CDH2: variants seen among roughly 807,000 people sequenced by gnomAD.
CDH2 encodes the protein cadherin 2.
CDH2 carries 17 observed loss-of-function variants against 92.0 expected under a neutral mutation model. That is an observed-to-expected ratio of 0.18 (90% confidence interval 0.13 to 0.28). CDH2 has a LOEUF of 0.28. Among genes scored for constraint, CDH2 ranks in the 10% least tolerant of loss-of-function variants. The pLI is 1.00. For synonymous variants in CDH2, 419 were observed against 415.9 expected (o/e 1.01, Z -0.09); for missense variants, 862 against 1,133.1 (o/e 0.76, Z 3.44).
At chr18:28,026,124 T>C (rs2013547176) in intron 2 of CDH2, among the ~76,000 whole-genome samples, 2 of 152,198 alleles carry the variant, frequency 1.3e-5, no homozygotes, top group Admixed American at 6.5e-5. Flanking sequence ...GCCAAATTCA[T>C]GTAGCCCTGG....
At chr18:28,107,230 T>C (rs1208437366) in intron 2 of CDH2, among the ~76,000 whole-genome samples, 1 of 151,734 alleles carries the variant, frequency 6.6e-6, no homozygotes, top group Non-Finnish European at 1.5e-5. Flanking sequence ...AATATATTAT[T>C]GTTATGTAAA....
intron 13 of CDH2, 122 bp from the exon 14 acceptor site, chr18:27,983,205 C>A: frequency 1.5e-6 from 1 of 649,078 alleles, no homozygotes; most frequent in Non-Finnish European, 2.5e-6. Flanking sequence ...ATGCGTCTTT[C>A]ACTCTACTAT....
At chr18:28,135,606 G>A (rs900562819) in intron 2 of CDH2, among the ~76,000 whole-genome samples, 7 of 152,146 alleles carry the variant, frequency 4.6e-5, no homozygotes, top group Non-Finnish European at 1.0e-4. Context: ...TAAATGCAAA[G>A]AGATGCTTTA....
intron 2 of CDH2, among the ~76,000 whole-genome samples, chr18:28,022,422 C>T (rs951771045): frequency 9.2e-5 from 14 of 151,932 alleles, no homozygotes; most frequent in African/African-American, 2.7e-4. Flanking sequence ...TTTTTTAAAT[C>T]TTTAATGATA....
intron 2 of CDH2, among the ~76,000 whole-genome samples, chr18:28,019,972 T>C (rs1413990012): frequency 6.6e-6 from 1 of 152,148 alleles, no homozygotes; most frequent in African/African-American, 2.4e-5. Flanking sequence ...CCATGTATGG[T>C]ACCTGGCTCA....
At chr18:28,174,107 CAGTT>C (rs2016502360) in intron 1 of CDH2, among the ~76,000 whole-genome samples, 1 of 152,126 alleles carries the variant, frequency 6.6e-6, no homozygotes, top group African/African-American at 2.4e-5. Flanking sequence ...ACAGACACTT[CAGTT>C]AACAATTCAA....
At chr18:27,945,091 TGTAGC>T (rs1239861222) in intron 6 of CDH2, among the ~76,000 whole-genome samples, 1 of 152,178 alleles carries the variant, frequency 6.6e-6, no homozygotes, top group African/African-American at 2.4e-5. Flanking sequence ...TTTTAGCTGC[TGTAGC>T]ATCATCTTTT....
chr18:28,115,639 C>A (rs191342242), intron 2 of CDH2, among the ~76,000 whole-genome samples: 221 of 152,280 alleles, frequency 1.5e-3, no homozygotes, highest in African/African-American at 5.1e-3. Flanking sequence ...GGAACCACCA[C>A]AACCAATTTA....
downstream of CDH2, among the ~76,000 whole-genome samples, chr18:27,947,088 A>G (rs1909286163): frequency 6.6e-6 from 1 of 151,858 alleles, no homozygotes; most frequent in South Asian, 2.1e-4. Context: ...AAAAAATACT[A>G]TTCATCTTGG....
intron 2 of CDH2, among the ~76,000 whole-genome samples, chr18:28,040,735 A>T (rs931302528): frequency 2.4e-4 from 37 of 152,222 alleles, no homozygotes; most frequent in African/African-American, 8.2e-4. Flanking sequence ...CAAAAATATT[A>T]TACACAGAAT....
chr18:28,079,722 C>T (rs796730865), intron 2 of CDH2, among the ~76,000 whole-genome samples: 6 of 152,288 alleles, frequency 3.9e-5, no homozygotes, highest in African/African-American at 1.4e-4. Context: ...GGACACTGTC[C>T]TAAAACCACG....
intron 5 of CDH2, among the ~76,000 whole-genome samples, chr18:28,007,384 A>G (rs1051612056): frequency 2.0e-5 from 3 of 151,390 alleles, no homozygotes; most frequent in Admixed American, 6.6e-5. Context: ...GTGCTCCTTT[A>G]ATTGTTTCTT....
At chr18:27,977,563 T>G (rs550030666) in intron 14 of CDH2, among the ~76,000 whole-genome samples, 137 of 152,280 alleles carry the variant, frequency 9.0e-4, no homozygotes, top group African/African-American at 3.1e-3. Context: ...ATACTTTGTC[T>G]TGGCAGGAAG....
intron 2 of CDH2, among the ~76,000 whole-genome samples, chr18:28,119,158 G>C (rs2015544745): frequency 6.6e-6 from 1 of 152,082 alleles, no homozygotes; most frequent in Non-Finnish European, 1.5e-5. Context: ...CTTGAACAAG[G>C]AGGAAGAATC....
intron 2 of CDH2, among the ~76,000 whole-genome samples, chr18:28,094,595 C>T (rs1426026541): frequency 6.6e-6 from 1 of 151,710 alleles, no homozygotes; most frequent in African/African-American, 2.4e-5. Context: ...GAGATCGAGA[C>T]CATCCTGGCT....
In CDH2 at chr18:27,990,222, T is replaced by A; in HGVS notation, c.1473A>T (p.Val491=). ...TATVSVTVID[V]NENPYFAPNP... The stretch of plus-strand genomic sequence containing the variant: ...TGGGGGCAAAATAAGGGTTTTCATT[T>A]ACGTCAATAACTGTAACAGACACGG... Residue 491 remains valine, a synonymous_variant, in exon 10 of 16, where the codon GTA becomes GTT. Coordinates refer to ENST00000269141, the MANE Select transcript of CDH2 (RefSeq NM_001792.5). 1 of 1,614,180 alleles carries A rather than the reference T, an allele frequency of 6.2e-7. No individual in the cohort carries two copies. The highest frequency in any genetic ancestry group is 8.5e-7 in the Non-Finnish European group (1 of 1,180,008).
At chr18:28,068,194 C>A (rs748048684) in intron 2 of CDH2, among the ~76,000 whole-genome samples, 1 of 152,114 alleles carries the variant, frequency 6.6e-6, no homozygotes, top group East Asian at 1.9e-4. Flanking sequence ...GGAGTAGATG[C>A]GAAAGAGCAA....
chr18:28,051,983 A>G (rs557351698), intron 2 of CDH2, among the ~76,000 whole-genome samples: 2 of 152,296 alleles, frequency 1.3e-5, no homozygotes, highest in African/African-American at 4.8e-5. Flanking sequence ...TTGCATAAGT[A>G]CTTTACAGCA....
At chr18:28,004,077 T>C (rs1013135733) in intron 6 of CDH2, among the ~76,000 whole-genome samples, 3 of 152,204 alleles carry the variant, frequency 2.0e-5, no homozygotes, top group Admixed American at 2.0e-4. Flanking sequence ...ATTATTCAAA[T>C]CTCATTTCAG....
Sources: gnomAD v4.1 joint callset for allele counts (sites outside exome capture counted in the v4.1 genomes callset) on GRCh38, gnomAD v4.1.1 for gene constraint, MANE v1.5 for transcripts, NCBI Gene and HGNC (gene_info 2026-07-23, HGNC 2026-07-21) for gene names.